Variants in DYNC1I1 observed in about 807,000 individuals in gnomAD.
DYNC1I1 encodes the protein cytoplasmic dynein 1 intermediate chain 1.
Under a neutral mutation model 86.6 loss-of-function variants are expected in DYNC1I1, and 43 were observed. The observed-to-expected ratio is 0.50, with a 90% confidence interval of 0.39 to 0.64. The LOEUF is 0.64. DYNC1I1 is among the 30% of genes least tolerant of loss of function. DYNC1I1 has a pLI of 0.00. For synonymous variants in DYNC1I1, 262 were observed against 283.7 expected, an observed-to-expected ratio of 0.92 and a Z score of 0.77; for missense variants, 604 against 788.8, an observed-to-expected ratio of 0.77 and a Z score of 2.81.
intron 14 of DYNC1I1, among the ~76,000 whole-genome samples, chr7:96,060,916 C>T (rs1402121994): frequency 6.6e-6 from 1 of 151,936 alleles, no homozygotes. Context: ...AAAGGCAGCC[C>T]CAAAATGGAA....
At chr7:95,914,984 G>A (rs12531314) in intron 6 of DYNC1I1, among the ~76,000 whole-genome samples, 9,323 of 152,192 alleles carry the variant, frequency 0.061, 586 homozygotes, top group Admixed American at 0.21. Flanking sequence ...CAAAAATCTG[G>A]TGGCATTTTA....
chr7:95,994,273 C>CA (rs992194711), intron 9 of DYNC1I1, among the ~76,000 whole-genome samples: 1 of 152,090 alleles, frequency 6.6e-6, no homozygotes, highest in African/African-American at 2.4e-5. Flanking sequence ...CAGAGGTCAA[C>CA]AAAAACCAGT....
At chr7:95,836,777 G>C (rs55706054) in intron 5 of DYNC1I1, among the ~76,000 whole-genome samples, 14,178 of 152,066 alleles carry the variant, frequency 0.093, 707 homozygotes, top group South Asian at 0.14. Flanking sequence ...TGAGGCTTCT[G>C]CATTCTTCAC....
At chr7:95,881,935 G>A (rs1790465044) in intron 6 of DYNC1I1, among the ~76,000 whole-genome samples, 1 of 152,152 alleles carries the variant, frequency 6.6e-6, no homozygotes, top group African/African-American at 2.4e-5. Flanking sequence ...TGTTCACAGG[G>A]GTGGGATTTG....
At chr7:95,953,616 A>C (rs1376894941) in intron 6 of DYNC1I1, among the ~76,000 whole-genome samples, 1 of 152,226 alleles carries the variant, frequency 6.6e-6, no homozygotes, top group African/African-American at 2.4e-5. Flanking sequence ...TGTGGACTGA[A>C]ACTAGAAAGA....
intron 6 of DYNC1I1, among the ~76,000 whole-genome samples, chr7:95,946,805 A>G (rs1314775259): frequency 6.6e-6 from 1 of 152,184 alleles, no homozygotes; most frequent in Non-Finnish European, 1.5e-5. Context: ...GTTGAATGAC[A>G]GGGGAAGAAA....
At chr7:95,801,178 A>G (rs756302229) in intron 1 of DYNC1I1, among the ~76,000 whole-genome samples, 7 of 152,238 alleles carry the variant, frequency 4.6e-5, no homozygotes, top group Non-Finnish European at 8.8e-5. Context: ...GTCTTCTAAC[A>G]TTGTAACCTA....
rs1298825683 is a variant in DYNC1I1 at position 95,823,999 on chromosome 7, T to G, written c.315-4058T>G. Among the ~76,000 whole-genome samples, 224 of 134,938 alleles carry G rather than the reference T, an allele frequency of 1.7e-3. 19 individuals are homozygous for G. The highest frequency in any genetic ancestry group is 6.1e-3 in the African/African-American group (212 of 34,928). The allele number at this position is 134,938 out of a possible 152,430, so 88.5% of individuals were successfully genotyped here. ...ATATATGTTTTGGTTTTTTGTTTTT[T>G]TTTTTTTTTTTGAGGCAGGGTCTTA... On this transcript the variant is annotated intron_variant, in intron 4 of 16. Transcript: ENST00000447467.
chr7:96,005,524 A>G (rs1794119896), intron 10 of DYNC1I1, among the ~76,000 whole-genome samples: 1 of 152,176 alleles, frequency 6.6e-6, no homozygotes, highest in South Asian at 2.1e-4. Context: ...AAAAGGCTTC[A>G]TCACTAAAAG....
At position 95,813,265 on chromosome 7, in the gene DYNC1I1, C is replaced by A; in HGVS notation, c.242C>A (p.Pro81His). 2 of 1,612,770 alleles carry A rather than the reference C, an allele frequency of 1.2e-6. No individual in the cohort carries two copies. The highest frequency in any genetic ancestry group is 1.7e-6 in the Non-Finnish European group (2 of 1,179,476). The part of the protein sequence containing the change: ...EPPLVPTPMS[P>H]SSKSVSTPSE... ...TATTTAGTCCCAACCCCTATGTCTC[C>A]CTCCTCGAAATCAGTGAGCACTCCC... The change falls in exon 4 of 17, where the codon CCC (proline) becomes CAC (histidine). Residue 81 changes from proline to histidine, a missense_variant. Coordinates refer to ENST00000447467, the MANE Select transcript of DYNC1I1 (RefSeq NM_001135556.2).
chr7:96,034,622 G>A (rs1331294799), intron 12 of DYNC1I1, among the ~76,000 whole-genome samples: 2 of 152,142 alleles, frequency 1.3e-5, no homozygotes, highest in African/African-American at 4.8e-5. Flanking sequence ...GGATGATCCA[G>A]TTATCTGTAT....
intron 6 of DYNC1I1, among the ~76,000 whole-genome samples, chr7:95,909,199 AC>A (rs1360910847): frequency 3.6e-5 from 4 of 111,568 alleles, no homozygotes; most frequent in South Asian, 3.2e-4. Context: ...AAAAAAAAAA[AC>A]CCAGCTGAAA....
Position 95,981,052 on chromosome 7 carries a change from A to G in DYNC1I1, c.580+3451A>G, listed in dbSNP as rs547787046. On this transcript the variant is annotated intron_variant, in intron 7 of 16. Coordinates refer to ENST00000447467, the MANE Select transcript of DYNC1I1 (RefSeq NM_001135556.2). ...AGAGATCCTTGAAAAATATTTTTGA[A>G]TAATTTTTATATTGAAATTTAAAGC... Among the ~76,000 whole-genome samples the G allele has an allele frequency of 2.0e-5, 3 of 152,228 alleles. No homozygotes were observed. The South Asian group carries it at 6.2e-4, about 32-fold the overall frequency.
intron 14 of DYNC1I1, among the ~76,000 whole-genome samples, chr7:96,065,193 G>A (rs148517852): frequency 1.4e-4 from 22 of 152,050 alleles, no homozygotes; most frequent in African/African-American, 5.3e-4. Context: ...TACATTCAAT[G>A]GTTTCTTGGT....
At chr7:95,830,340 A>G (rs760741676) in intron 5 of DYNC1I1, among the ~76,000 whole-genome samples, 1 of 151,938 alleles carries the variant, frequency 6.6e-6, no homozygotes, top group African/African-American at 2.4e-5. Flanking sequence ...GAGTTTCCTC[A>G]TGCCCCTTTG....
chr7:95,875,802 G>A (rs1790294869), intron 6 of DYNC1I1, among the ~76,000 whole-genome samples: 1 of 152,188 alleles, frequency 6.6e-6, no homozygotes, highest in Non-Finnish European at 1.5e-5. Flanking sequence ...TTTTGGCTTA[G>A]TTTGGCAATG....
intron 14 of DYNC1I1, among the ~76,000 whole-genome samples, chr7:96,070,528 T>G (rs149985691): frequency 3.6e-3 from 543 of 152,322 alleles, no homozygotes; most frequent in African/African-American, 0.012. Flanking sequence ...CAGGATATAG[T>G]TTTTAAGGTA....
intron 5 of DYNC1I1, among the ~76,000 whole-genome samples, chr7:95,851,434 TG>T (rs1309462755): frequency 1.3e-5 from 2 of 152,168 alleles, no homozygotes; most frequent in South Asian, 2.1e-4. Flanking sequence ...TGGAATTTTG[TG>T]TTTAATATTT....
At chr7:96,099,255 C>A (rs1178775327), downstream of DYNC1I1, among the ~76,000 whole-genome samples, 4 of 152,172 alleles carry the variant, frequency 2.6e-5, no homozygotes, top group African/African-American at 9.7e-5. Context: ...TAAAATGTTA[C>A]AAGAACATGT....
Sources: gnomAD v4.1 joint callset for allele counts (sites outside exome capture counted in the v4.1 genomes callset) on GRCh38, gnomAD v4.1.1 for gene constraint, MANE v1.5 for transcripts, NCBI Gene and HGNC (gene_info 2026-07-23, HGNC 2026-07-21) for gene names.